Variants in WIPI1 observed in about 807,000 individuals in gnomAD.
WIPI1 encodes WD repeat domain phosphoinositide-interacting protein 1.
Under a neutral mutation model 55.3 loss-of-function variants are expected in WIPI1, and 45 were observed. The ratio of observed to expected loss-of-function variants is 0.81; its 90% CI spans 0.64 to 1.04. The LOEUF is 1.04. WIPI1 is among the 50% of genes least tolerant of loss of function. The pLI, the probability that WIPI1 is intolerant of heterozygous loss-of-function variation, is 0.00. For synonymous variants in WIPI1, 195 were observed against 217.6 expected (o/e 0.90, Z 0.92); for missense variants, 445 against 559.0 (o/e 0.80, Z 2.06).
intron 4 of WIPI1, among the ~76,000 whole-genome samples, chr17:68,439,353 G>T (rs966644284): frequency 1.4e-4 from 22 of 152,128 alleles, no homozygotes; most frequent in Non-Finnish European, 2.6e-4. Flanking sequence ...GAAACATTAG[G>T]CTATGTGAAA....
chr17:68,433,388 GA>G, intron 8 of WIPI1, 79 bp downstream of exon 8: 1 of 1,265,346 alleles, frequency 7.9e-7, no homozygotes, highest in Non-Finnish European at 1.1e-6. Flanking sequence ...AGAAAGAAAA[GA>G]GATCATTCAT....
chr17:68,452,448 T>C (rs1052712720), intron 2 of WIPI1, among the ~76,000 whole-genome samples: 15 of 152,060 alleles, frequency 9.9e-5, no homozygotes, highest in Admixed American at 2.6e-4. Flanking sequence ...GCCTGTAATC[T>C]CATCTACTTG....
At chr17:68,422,856 TC>T (rs900470912) in intron 12 of WIPI1, 1 of 152,128 alleles carries the variant, frequency 6.6e-6, no homozygotes, top group Non-Finnish European at 1.5e-5. Context: ...GTTGGCTTGT[TC>T]CTGAAACAAA....
chr17:68,455,827 C>A (rs1957061947), intron 1 of WIPI1, among the ~76,000 whole-genome samples: 2 of 152,144 alleles, frequency 1.3e-5, no homozygotes, highest in Non-Finnish European at 2.9e-5. Flanking sequence ...TGTTACAAAG[C>A]AGAATTTAGA....
At chr17:68,450,685 C>T (rs918661480) in intron 3 of WIPI1, 43 bp downstream of exon 3, 10 of 1,563,020 alleles carry the variant, frequency 6.4e-6, no homozygotes, top group Admixed American at 2.0e-5. Flanking sequence ...GTTTGGCTCC[C>T]GTTAGCAGAA....
chr17:68,426,099 A>C lies in WIPI1; in HGVS notation c.1269T>G (p.Leu423=). 1 of 1,612,698 alleles carries C rather than the reference A, an allele frequency of 6.2e-7. No homozygotes were observed. The highest frequency in any genetic ancestry group is 8.5e-7 in the Non-Finnish European group (1 of 1,180,002). The change falls in exon 12 of 13, where the codon CTT becomes CTG. Residue 423 remains leucine (L), a synonymous_variant. Coordinates refer to ENST00000262139, the MANE Select transcript of WIPI1 (RefSeq NM_017983.7). ...EHEFATGPVC[L]DDENEFPPII... ...CAGGAGGAAACTCATTCTCATCATC[A>C]AGACACACTGGTCCCGTCGCAAACT...
chr17:68,427,127 C>T lies in WIPI1; in HGVS notation c.1192+8G>A, dbSNP rs1353591542. ...AGATGCTCCCCTGTTGGCCCCGTGT[C>T]CACCCACCTGGCACCGTGGAGGCTG... is the stretch of plus-strand genomic sequence containing the variant. On this transcript the variant is annotated splice_region_variant and intron_variant, in intron 11 of 12. Coordinates refer to ENST00000262139, the MANE Select transcript of WIPI1 (RefSeq NM_017983.7). The T allele has an allele frequency of 6.2e-7, 1 of 1,611,438 alleles. No homozygotes were observed. Among genetic ancestry groups the T allele is most frequent in the Non-Finnish European group, 8.5e-7 (1 of 1,177,848 alleles).
chr17:68,451,021 C>A, intron 2 of WIPI1, 124 bp from the exon 3 acceptor site: 6 of 1,340,608 alleles, frequency 4.5e-6, no homozygotes, highest in Non-Finnish European at 5.0e-6. Context: ...GCCGGCCAGG[C>A]GCCCTCTCTG....
At chr17:68,444,731 GT>G in intron 3 of WIPI1, 142 bp from the exon 4 acceptor site, 1 of 619,094 alleles carries the variant, frequency 1.6e-6, no homozygotes, top group Non-Finnish European at 2.7e-6. Context: ...TGAAGATTGT[GT>G]TTATGGATGT....
At position 68,452,989 on chromosome 17, in the gene WIPI1, G is replaced by C; in HGVS notation, c.84C>G (p.Ser28=). 6.2e-7 allele frequency: 1 copy of C among 1,612,544 alleles called. No individual in the cohort carries two copies. The highest frequency in any genetic ancestry group is 1.3e-5 in the African/African-American group (1 of 74,974). ...SCFSFNQDCT[S]LATGTKAGYK... ...ACCCGGCTTTAGTTCCAGTTGCTAG[G>C]GATCTGTGGAGGATAATGACAGCAT... is the stretch of plus-strand genomic sequence containing the variant. The change falls in exon 2 of 13, where the codon TCC becomes TCG. Residue 28 remains serine, a synonymous_variant. Coordinates refer to ENST00000262139, the MANE Select transcript of WIPI1 (RefSeq NM_017983.7).
chr17:68,449,744 C>T (rs961965754), intron 3 of WIPI1, among the ~76,000 whole-genome samples: 1 of 152,220 alleles, frequency 6.6e-6, no homozygotes, highest in African/African-American at 2.4e-5. Context: ...GTACAGCCTG[C>T]AGAACCTTGA....
chr17:68,453,437 G>T (rs1039510857), intron 1 of WIPI1, among the ~76,000 whole-genome samples: 1 of 148,216 alleles, frequency 6.7e-6, no homozygotes. Context: ...AACTTTATTT[G>T]TTTGTTGCTT....
At chr17:68,436,852 G>A (rs564967370) in intron 4 of WIPI1, among the ~76,000 whole-genome samples, 65 of 152,142 alleles carry the variant, frequency 4.3e-4, no homozygotes, top group African/African-American at 1.5e-3. Context: ...CAAATAGCTG[G>A]GCATGGTGGT....
intron 2 of WIPI1, among the ~76,000 whole-genome samples, chr17:68,451,928 G>A (rs113186056): frequency 0.015 from 2,360 of 152,298 alleles, 20 homozygotes; most frequent in Non-Finnish European, 0.026. Flanking sequence ...GGCCCACAGG[G>A]AACAATGTGG....
At chr17:68,439,347 C>T (rs757831794) in intron 4 of WIPI1, among the ~76,000 whole-genome samples, 2 of 152,132 alleles carry the variant, frequency 1.3e-5, no homozygotes, top group Non-Finnish European at 2.9e-5. Flanking sequence ...ACCTTGGAAA[C>T]ATTAGGCTAT....
intron 4 of WIPI1, among the ~76,000 whole-genome samples, chr17:68,439,830 ATT>A (rs1339584236): frequency 6.6e-6 from 1 of 152,110 alleles, no homozygotes; most frequent in Non-Finnish European, 1.5e-5. Flanking sequence ...GTCTTTCCAG[ATT>A]TAACACTTCA....
intron 4 of WIPI1, chr17:68,440,657 A>C (rs2084036703): frequency 6.6e-6 from 1 of 151,874 alleles, no homozygotes; most frequent in South Asian, 2.1e-4. Context: ...AGTCACTGGC[A>C]GCTATAATTC....
intron 10 of WIPI1, among the ~76,000 whole-genome samples, chr17:68,427,769 G>A (rs1471300523): frequency 2.0e-5 from 3 of 152,214 alleles, no homozygotes; most frequent in African/African-American, 7.2e-5. Context: ...GTACACACAG[G>A]TGAGGACATG....
chr17:68,436,486 A>G lies in WIPI1; in HGVS notation c.431-7T>C. On this transcript the variant is annotated splice_polypyrimidine_tract_variant and splice_region_variant and intron_variant, in intron 4 of 12. Coordinates refer to ENST00000262139, the MANE Select transcript of WIPI1 (RefSeq NM_017983.7). ...ATAGAGAGAGCACATAGACCTGGCA[A>G]AGAAGAAACAGAACATGAGAAGCCT... 2.5e-6 allele frequency: 4 copies of G among 1,613,146 alleles called. No homozygotes were observed. Among genetic ancestry groups the G allele is most frequent in the Non-Finnish European group, 2.5e-6 (3 of 1,179,182 alleles).
Sources: allele counts gnomAD v4.1 joint callset (sites outside exome capture counted in the v4.1 genomes callset), GRCh38; gene constraint gnomAD v4.1.1; transcripts MANE v1.5; gene names NCBI Gene and HGNC (gene_info 2026-07-23, HGNC 2026-07-21).